Variants in NT5C1A observed in about 807,000 individuals in gnomAD.
NT5C1A encodes the protein 5'-nucleotidase, cytosolic IA, also known as cytosolic 5'-nucleotidase 1A.
NT5C1A carries 18 observed loss-of-function variants against 31.0 expected under a neutral mutation model. That is an observed-to-expected ratio of 0.58 (90% CI 0.40 to 0.86). The LOEUF (loss-of-function observed/expected upper bound fraction) is 0.86. Among genes scored for constraint, NT5C1A ranks in the 40% least tolerant of loss-of-function variants. NT5C1A has a pLI of 0.00. For missense variants in NT5C1A, 470 were observed against 505.4 expected, an observed-to-expected ratio of 0.93 and a Z score of 0.67; for synonymous variants, 185 against 203.6, an observed-to-expected ratio of 0.91 and a Z score of 0.78.
intron 5 of NT5C1A, 72 bp downstream of exon 5, chr1:39,661,007 G>T: frequency 9.4e-6 from 8 of 848,454 alleles, no homozygotes; most frequent in Non-Finnish European, 1.3e-5. Flanking sequence ...TTCCAGGCTG[G>T]GAGTGCAGGC....
chr1:39,670,908 C>T (rs1646547592), intron 1 of NT5C1A, among the ~76,000 whole-genome samples: 2 of 152,152 alleles, frequency 1.3e-5, no homozygotes, highest in Admixed American at 1.3e-4. Context: ...TCTGGAGCCT[C>T]CATCATTGTG....
chr1:39,666,837 C>T (rs181389465), intron 1 of NT5C1A, among the ~76,000 whole-genome samples: 3 of 152,310 alleles, frequency 2.0e-5, no homozygotes, highest in African/African-American at 7.2e-5. Flanking sequence ...AACCACTATC[C>T]ACTCATTACT....
rs61024293 is a variant in NT5C1A, at chr1:39,652,030, CAAAAAAAAAAAAAAAAAAAAAAAAAAAA to C, written c.*7063_*7090del. Among the ~76,000 whole-genome samples, 1 of 37,804 alleles carries C rather than the reference CAAAAAAAAAAAAAAAAAAAAAAAAAAAA, an allele frequency of 2.6e-5. No individual in the cohort carries two copies. Among genetic ancestry groups the C allele is most frequent in the Non-Finnish European group, 5.4e-5 (1 of 18,464 alleles). The allele number at this position is 37,804 out of a possible 152,430, so 24.8% of individuals were successfully genotyped here. ...TGAGTGACAGAGCAAGACTCCGTCT[CAAAAAAAAAAAAAAAAAAAAAAAAAAAA>C]AAAAAAAAAGAAGTTTGTACATACG... On this transcript the variant is annotated 3_prime_UTR_variant, in exon 6 of 6. Coordinates refer to ENST00000235628, the MANE Select transcript of NT5C1A (RefSeq NM_032526.3).
rs766789479 is a variant in NT5C1A at position 39,672,018 on chromosome 1, C to T, written c.21G>A (p.Arg7=). 3 of 1,603,414 alleles carry T rather than the reference C, an allele frequency of 1.9e-6. No homozygotes were observed. Among genetic ancestry groups the T allele is most frequent in the Non-Finnish European group, 2.5e-6 (3 of 1,178,918 alleles). ...CGGGCTCGCGGGGCTCCTGGGGCTC[C>T]CGGGGCTGCCCAGGTTCCATGCTCC... MEPGQP[R]EPQEPREPGP... The change falls in exon 1 of 6, where the codon CGG becomes CGA. Residue 7 remains arginine (R), a synonymous_variant. Transcript: ENST00000235628.
chr1:39,662,353 C>T (rs967767122), intron 4 of NT5C1A, among the ~76,000 whole-genome samples: 1 of 152,210 alleles, frequency 6.6e-6, no homozygotes, highest in Non-Finnish European at 1.5e-5. Context: ...CACCCCTACC[C>T]TCAACAGGGC....
chr1:39,670,605 C>T (rs752868859), intron 1 of NT5C1A, among the ~76,000 whole-genome samples: 9 of 152,290 alleles, frequency 5.9e-5, no homozygotes, highest in Non-Finnish European at 1.3e-4. Context: ...AATCCCTGAC[C>T]CCCTTGAGTA....
At chr1:39,671,872 C>T (rs769475314) in intron 1 of NT5C1A, 32 bp downstream of exon 1, 11 of 1,611,482 alleles carry the variant, frequency 6.8e-6, no homozygotes, top group Admixed American at 1.7e-5. Flanking sequence ...AACCCTTCCC[C>T]CGTCCCCCGC....
chr1:39,668,346 A>T (rs1646533858), intron 1 of NT5C1A, among the ~76,000 whole-genome samples: 1 of 152,176 alleles, frequency 6.6e-6, no homozygotes, highest in Non-Finnish European at 1.5e-5. Flanking sequence ...CCTGGCAGCC[A>T]GCTAAGGTCT....
intron 1 of NT5C1A, among the ~76,000 whole-genome samples, chr1:39,671,222 G>A (rs546898282): frequency 6.6e-6 from 1 of 152,326 alleles, no homozygotes; most frequent in South Asian, 2.1e-4. Context: ...GAGCTCCTCT[G>A]TGAGGTCCCA....
rs1287949135 is a variant in NT5C1A, at chr1:39,651,472, C to G, written c.*7649G>C. ...AAGTACAAGCAGTCTTATTCCCAGA[C>G]AAGGGAAGTCACAAAGACGAAGAAA... On this transcript the variant is annotated 3_prime_UTR_variant, in exon 6 of 6. Coordinates refer to ENST00000235628, the MANE Select transcript of NT5C1A (RefSeq NM_032526.3). Among the ~76,000 whole-genome samples the G allele has an allele frequency of 6.6e-6, 1 of 152,134 alleles. No homozygotes were observed. Among genetic ancestry groups the G allele is most frequent in the Non-Finnish European group, 1.5e-5 (1 of 68,030 alleles).
chr1:39,660,298 G>A (rs76940834), intron 5 of NT5C1A, among the ~76,000 whole-genome samples: 1 of 152,136 alleles, frequency 6.6e-6, no homozygotes, highest in Non-Finnish European at 1.5e-5. Flanking sequence ...TTGGAGAGGG[G>A]CTCTGAGATT....
chr1:39,663,195 T>G, intron 4 of NT5C1A, 117 bp downstream of exon 4: 2 of 1,139,104 alleles, frequency 1.8e-6, no homozygotes, highest in East Asian at 4.7e-5. Flanking sequence ...TGCTCAGCCT[T>G]GCCTTCTAGT....
Position 39,671,348 on chromosome 1 carries a change from G to A in NT5C1A, c.135+556C>T, listed in dbSNP as rs376684740. Reference sequence around the variant, plus strand: ...GAGCCTGCGGCCAGGGGCGCCGATCGCCCCCCAGCGCAGAGTGTGGATCCC... The same window carrying A: ...GAGCCTGCGGCCAGGGGCGCCGATCACCCCCCAGCGCAGAGTGTGGATCCC... On this transcript the variant is annotated intron_variant, in intron 1 of 5. Transcript: ENST00000235628. Among the ~76,000 whole-genome samples the A allele has an allele frequency of 6.6e-4, 100 of 152,312 alleles. 1 individual carries two copies. In the East Asian group the frequency reaches 9.5e-3, roughly 14 times the overall value.
At chr1:39,667,783 T>C (rs1646531957) in intron 1 of NT5C1A, among the ~76,000 whole-genome samples, 1 of 152,266 alleles carries the variant, frequency 6.6e-6, no homozygotes, top group African/African-American at 2.4e-5. Context: ...GAACTTTCTA[T>C]GATAATGGAA....
intron 3 of NT5C1A, among the ~76,000 whole-genome samples, chr1:39,664,654 G>C (rs1323354792): frequency 1.4e-5 from 2 of 147,582 alleles, no homozygotes; most frequent in Non-Finnish European, 3.0e-5. Flanking sequence ...CACCACACCA[G>C]GCTAATTTTT....
At chr1:39,661,421 G>T (rs553879793) in intron 4 of NT5C1A, among the ~76,000 whole-genome samples, 158 bp from the exon 5 acceptor site, 3 of 152,344 alleles carry the variant, frequency 2.0e-5, no homozygotes, top group African/African-American at 7.2e-5. Context: ...GTAGTGCATG[G>T]ATCCTGGCCA....
intron 5 of NT5C1A, 32 bp from the exon 6 acceptor site, chr1:39,659,518 C>T (rs2124149612): frequency 6.6e-7 from 1 of 1,521,262 alleles, no homozygotes; most frequent in Non-Finnish European, 8.8e-7. Flanking sequence ...ATTGTTAGCT[C>T]TACCACCTCC....
rs963131368 is a variant in NT5C1A, at chr1:39,653,417, C to T, written c.*5704G>A. On this transcript the variant is annotated 3_prime_UTR_variant, in exon 6 of 6. Coordinates refer to ENST00000235628, the MANE Select transcript of NT5C1A (RefSeq NM_032526.3). ...AGAGTCATTGGCTGAGATATCTGGC[C>T]CATTACACACACCCACATAAATACA... 6.6e-6 allele frequency among the ~76,000 whole-genome samples: 1 copy of T among 151,972 alleles called. No homozygotes were observed. Among genetic ancestry groups the T allele is most frequent in the African/African-American group, 2.4e-5 (1 of 41,354 alleles).
intron 5 of NT5C1A, 23 bp from the exon 6 acceptor site, chr1:39,659,509 T>C (rs765101068): frequency 4.6e-5 from 71 of 1,531,946 alleles, no homozygotes; most frequent in East Asian, 6.8e-5. Context: ...AAGGGGAACA[T>C]TGTTAGCTCT....
Sources: gnomAD v4.1 joint callset for allele counts (sites outside exome capture counted in the v4.1 genomes callset) on GRCh38, gnomAD v4.1.1 for gene constraint, MANE v1.5 for transcripts, NCBI Gene and HGNC (gene_info 2026-07-23, HGNC 2026-07-21) for gene names.